RELN: variants seen among roughly 807,000 people sequenced by gnomAD.
RELN encodes reelin.
RELN carries 108 observed loss-of-function variants against 427.6 expected under a neutral mutation model. The ratio of observed to expected loss-of-function variants is 0.25; its 90% CI spans 0.22 to 0.30. RELN has a LOEUF of 0.30. RELN is among the 10% of genes least tolerant of loss of function. The probability of loss-of-function intolerance (pLI) is 1.00; values close to 1 mark genes in which losing one functional copy is unlikely to be tolerated. For missense variants in RELN, 3,715 were observed against 4,302.8 expected (o/e 0.86, Z 3.82); for synonymous variants, 1,524 against 1,513.4 (o/e 1.01, Z -0.16).
At chr7:103,897,174 A>G (rs147230931) in intron 2 of RELN, among the ~76,000 whole-genome samples, 189 of 152,244 alleles carry the variant, frequency 1.2e-3, no homozygotes, top group African/African-American at 4.1e-3. Context: ...GATTATTACA[A>G]TTCAAGGTGA....
chr7:103,779,201 T>A (rs1043468431), intron 3 of RELN, among the ~76,000 whole-genome samples: 1 of 152,152 alleles, frequency 6.6e-6, no homozygotes, highest in Non-Finnish European at 1.5e-5. Flanking sequence ...CAACAGCCAA[T>A]GTTCCAGGCA....
chr7:103,532,247 C>T (rs890074127), intron 46 of RELN, among the ~76,000 whole-genome samples: 4 of 152,036 alleles, frequency 2.6e-5, no homozygotes, highest in East Asian at 1.9e-4. Context: ...ACAATGAGAA[C>T]ACATGGACAC....
intron 15 of RELN, 101 bp downstream of exon 15, chr7:103,651,560 T>G: frequency 8.6e-7 from 1 of 1,164,618 alleles, no homozygotes; most frequent in Non-Finnish European, 1.3e-6. Context: ...GTTAGGTTTC[T>G]TACCTATTAT....
intron 6 of RELN, 118 bp from the exon 7 acceptor site, chr7:103,728,325 A>C (rs1790265841): frequency 3.2e-6 from 3 of 937,976 alleles, no homozygotes; most frequent in Non-Finnish European, 5.1e-6. Flanking sequence ...CATTTTGAGG[A>C]AAGTAGGAGT....
Position 103,569,805 on chromosome 7 carries a change from T to C in RELN, c.4588+2379A>G, listed in dbSNP as rs1258791972. 6.6e-6 allele frequency among the ~76,000 whole-genome samples: 1 copy of C among 152,220 alleles called. No homozygotes were observed. Among genetic ancestry groups the C allele is most frequent in the Non-Finnish European group, 1.5e-5 (1 of 68,034 alleles). On this transcript the variant is annotated intron_variant, in intron 31 of 64. Coordinates refer to ENST00000428762, the MANE Select transcript of RELN (RefSeq NM_005045.4). This position sits in a 1 kb window ranked among gnomAD's most constrained non-coding sequence, Gnocchi z 4.0. ...TTGCTGAACCTCATTAGCCATGTCATCTAACACACTGTACATCTGAATGAA... is the reference window on the plus strand; with the variant it reads ...TTGCTGAACCTCATTAGCCATGTCACCTAACACACTGTACATCTGAATGAA...
intron 4 of RELN, among the ~76,000 whole-genome samples, chr7:103,773,100 T>TTCCTTCCTTCCTTCCTTTC: frequency 7.8e-6 from 1 of 128,706 alleles, no homozygotes; most frequent in African/African-American, 3.1e-5. Flanking sequence ...GGTTCTCCTC[T>TTCCTTCCTTCCTTCCTTTC]TTTCTTTCTT....
At chr7:103,554,004 A>G (rs1162192260) in intron 38 of RELN, among the ~76,000 whole-genome samples, 173 bp from the exon 39 acceptor site, 3 of 152,120 alleles carry the variant, frequency 2.0e-5, no homozygotes, top group Non-Finnish European at 4.4e-5. Context: ...TGAGCAACAT[A>G]GTAAGGGCCT....
At chr7:103,904,025 C>T (rs996418049) in intron 2 of RELN, among the ~76,000 whole-genome samples, 2 of 151,980 alleles carry the variant, frequency 1.3e-5, no homozygotes. Context: ...CCCGACAGGC[C>T]CCAGGTGTGT....
At chr7:103,964,855 G>A (rs1299911231) in intron 1 of RELN, among the ~76,000 whole-genome samples, 1 of 152,124 alleles carries the variant, frequency 6.6e-6, no homozygotes, top group Non-Finnish European at 1.5e-5. Context: ...AATACAGTCA[G>A]GGACTTGAAG....
In RELN at chr7:103,472,028, T is replaced by G. The variant is rs1827877180; in HGVS notation, c.*784A>C. 6.6e-6 allele frequency: 1 copy of G among 152,370 alleles called. No individual in the cohort carries two copies. Among genetic ancestry groups the G allele is most frequent in the African/African-American group, 2.4e-5 (1 of 41,386 alleles). The allele number at this position is 152,370 out of a possible 1,614,324, so 9.4% of individuals were successfully genotyped here. A position where few individuals can be genotyped will look rare whatever the true frequency, so the allele number is the denominator to read the frequency against. The stretch of plus-strand genomic sequence containing the variant: ...TCACTCTGTTATCACAGACAAAAAA[T>G]GGCAGTTACTGTTAGTAAATCAGCC... On this transcript the variant is annotated 3_prime_UTR_variant, in exon 65 of 65. Coordinates refer to ENST00000428762, the MANE Select transcript of RELN (RefSeq NM_005045.4).
chr7:103,705,080 TCTTA>T (rs1291096590), intron 8 of RELN, among the ~76,000 whole-genome samples: 4 of 152,194 alleles, frequency 2.6e-5, no homozygotes, highest in African/African-American at 7.2e-5. Context: ...GCCCTTTTCC[TCTTA>T]CTCTCAAATA....
At chr7:103,940,340 AGGCTGTAT>A (rs1325989815) in intron 1 of RELN, among the ~76,000 whole-genome samples, 1 of 152,242 alleles carries the variant, frequency 6.6e-6, no homozygotes, top group Admixed American at 6.5e-5. Context: ...TTTTTCTAGA[AGGCTGTAT>A]GGTCCGTTAT....
At chr7:103,979,905 T>C (rs1034037365) in intron 1 of RELN, among the ~76,000 whole-genome samples, 8 of 152,230 alleles carry the variant, frequency 5.3e-5, no homozygotes, top group African/African-American at 1.9e-4. Flanking sequence ...CTCACACCTG[T>C]AATCCCAGCA....
intron 11 of RELN, among the ~76,000 whole-genome samples, chr7:103,664,190 G>A (rs1356758520): frequency 1.3e-5 from 2 of 152,158 alleles, no homozygotes; most frequent in Non-Finnish European, 2.9e-5. Flanking sequence ...GTCATAAACT[G>A]GTGTTTGGGG....
chr7:103,752,490 G>T lies in RELN; in HGVS notation c.577+692C>A, dbSNP rs113358311. Among the ~76,000 whole-genome samples the T allele has an allele frequency of 2.1e-3, 319 of 152,142 alleles. 1 individual carries two copies. The highest frequency in any genetic ancestry group is 7.5e-3 in the African/African-American group (311 of 41,508). On this transcript the variant is annotated intron_variant, in intron 5 of 64. Coordinates refer to ENST00000428762, the MANE Select transcript of RELN (RefSeq NM_005045.4). ...AGTGTCACAATCATAGCTTGCTGCA[G>T]CCTTGAAATCCTGGTTTACATGATC...
chr7:103,517,241 A>G (rs1829589240), intron 49 of RELN, among the ~76,000 whole-genome samples: 1 of 147,252 alleles, frequency 6.8e-6, no homozygotes, highest in Non-Finnish European at 1.5e-5. Flanking sequence ...TTGGTTTGAC[A>G]TGTTTACATA....
rs757382557 is a variant in RELN, at chr7:103,573,297, TA to T, written c.4511+794del. ...AATACCATATTTGTTTAGAGTCAGATAATTACCTGTCAGTTGCTGATTTAGA... is the reference window on the plus strand; with the variant it reads ...AATACCATATTTGTTTAGAGTCAGATATTACCTGTCAGTTGCTGATTTAGA... On this transcript the variant is annotated intron_variant, in intron 30 of 64. Transcript: ENST00000428762. The surrounding 1 kb of genome is among the most constrained non-coding windows in gnomAD (Gnocchi z 4.4). Among the ~76,000 whole-genome samples the T allele has an allele frequency of 3.9e-5, 6 of 152,252 alleles. No homozygotes were observed. Among genetic ancestry groups the T allele is most frequent in the Non-Finnish European group, 7.3e-5 (5 of 68,046 alleles).
rs146716227 is a variant in RELN, at chr7:103,948,738, G to A, written c.227-31553C>T. Among the ~76,000 whole-genome samples, 244 of 152,164 alleles carry A rather than the reference G, an allele frequency of 1.6e-3. 1 individual carries two copies. The highest frequency in any genetic ancestry group is 5.5e-3 in the African/African-American group (228 of 41,520). On this transcript the variant is annotated intron_variant, in intron 1 of 64. Transcript: ENST00000428762. ...AATTAAAACATACAATTCAAGCCAC[G>A]CAACACGGTTGATGTCTGTAATCCT...
At chr7:103,658,077 G>A (rs963357610) in intron 12 of RELN, among the ~76,000 whole-genome samples, 8 of 152,072 alleles carry the variant, frequency 5.3e-5, no homozygotes, top group African/African-American at 7.2e-5. Flanking sequence ...ACAAATACAC[G>A]AATGAGTTGA....
Sources: gnomAD v4.1 joint callset for allele counts (sites outside exome capture counted in the v4.1 genomes callset) on GRCh38, gnomAD v4.1.1 for gene constraint, Gnocchi (gnomAD v3.1) non-coding constraint, MANE v1.5 for transcripts, NCBI Gene and HGNC (gene_info 2026-07-23, HGNC 2026-07-21) for gene names.